SINHCAF: variants seen among roughly 807,000 people sequenced by gnomAD.
SINHCAF encodes the protein SIN3-HDAC complex associated factor.
SINHCAF carries 3 observed loss-of-function variants against 25.8 expected under a neutral mutation model. That is an observed-to-expected ratio of 0.12 (90% CI 0.05 to 0.30). The LOEUF is 0.30. SINHCAF is among the 10% of genes least tolerant of loss of function. SINHCAF has a pLI of 1.00. For missense variants in SINHCAF, 121 were observed against 262.3 expected (o/e 0.46, Z 3.72); for synonymous variants, 70 against 85.5 (o/e 0.82, Z 1.00).
chr12:31,298,348 G>T, intron 1 of SINHCAF, 124 bp from the exon 2 acceptor site: 2 of 1,096,288 alleles, frequency 1.8e-6, no homozygotes, highest in African/African-American at 1.5e-5. Context: ...CAGGCAGGCA[G>T]CTCAAGGGAA....
rs554217422 is a variant in SINHCAF, at chr12:31,324,471, C to T, written c.-21+1553G>A. ...ACGCCCGGAGCGGGGAAGCACGCCGCCTCCCTACGCACCAGCATGGCACCT... is the reference window on the plus strand; with the variant it reads ...ACGCCCGGAGCGGGGAAGCACGCCGTCTCCCTACGCACCAGCATGGCACCT... On this transcript the variant is annotated intron_variant, in intron 1 of 5. Coordinates refer to ENST00000337682, the MANE Select transcript of SINHCAF (RefSeq NM_001135812.2). This position sits in a 1 kb window ranked among gnomAD's most constrained non-coding sequence, Gnocchi z 5.5. 521 of 160,662 alleles carry T rather than the reference C, an allele frequency of 3.2e-3. 7 individuals carry two copies. The highest frequency in any genetic ancestry group is 2.7e-3 in the Admixed American group (42 of 15,442). 10.0% of individuals were successfully genotyped at this position (160,662 alleles called of 1,614,324 possible). A position where few individuals can be genotyped will look rare whatever the true frequency, so the allele number is the denominator to read the frequency against.
At chr12:31,303,272 A>T (rs1365774085) in intron 1 of SINHCAF, 5 of 941,994 alleles carry the variant, frequency 5.3e-6, no homozygotes, top group Non-Finnish European at 6.3e-6. Context: ...TTTAGAGAAC[A>T]CAAATGATCA....
At chr12:31,321,575 T>C (rs1187273451) in intron 1 of SINHCAF, among the ~76,000 whole-genome samples, 2 of 152,180 alleles carry the variant, frequency 1.3e-5, no homozygotes. Context: ...TTATTTAAAA[T>C]AGGTATTACT....
chr12:31,297,876 T>C (rs2137093002), intron 2 of SINHCAF, among the ~76,000 whole-genome samples: 1 of 152,186 alleles, frequency 6.6e-6, no homozygotes, highest in East Asian at 1.9e-4. Context: ...ACGATTAATG[T>C]GGTAGCTCCT....
intron 5 of SINHCAF, among the ~76,000 whole-genome samples, chr12:31,284,006 A>G (rs1937929148): frequency 6.6e-6 from 1 of 152,158 alleles, no homozygotes; most frequent in South Asian, 2.1e-4. Flanking sequence ...TATATAACAC[A>G]GTTTTATTTA....
chr12:31,289,098 GAAC>G (rs1433542075), intron 4 of SINHCAF, among the ~76,000 whole-genome samples: 2 of 152,126 alleles, frequency 1.3e-5, no homozygotes, highest in African/African-American at 4.8e-5. Flanking sequence ...CTGGAAGAAA[GAAC>G]AACAGAAATT....
At chr12:31,286,547 C>G (rs1340617858) in intron 5 of SINHCAF, among the ~76,000 whole-genome samples, 1 of 151,830 alleles carries the variant, frequency 6.6e-6, no homozygotes, top group South Asian at 2.1e-4. Flanking sequence ...ACCTGTAATC[C>G]CAGCTACTCG....
intron 2 of SINHCAF, among the ~76,000 whole-genome samples, chr12:31,296,690 C>CA (rs1938563228): frequency 2.0e-5 from 3 of 151,720 alleles, no homozygotes; most frequent in Non-Finnish European, 4.4e-5. Context: ...CCTGTATCTA[C>CA]AAAAAAATAG....
chr12:31,303,198 G>A, intron 1 of SINHCAF: 1 of 985,420 alleles, frequency 1.0e-6, no homozygotes, highest in Non-Finnish European at 1.2e-6. Flanking sequence ...ATATTTAGAA[G>A]AGGCTGTGTC....
At chr12:31,300,384 C>T (rs1458855243) in intron 1 of SINHCAF, among the ~76,000 whole-genome samples, 1 of 152,050 alleles carries the variant, frequency 6.6e-6, no homozygotes, top group Admixed American at 6.6e-5. Flanking sequence ...AGGCAGAAGG[C>T]CTTCATGCAT....
At position 31,298,835 on chromosome 12, in the gene SINHCAF, A is replaced by C. The variant is rs185754664; in HGVS notation, c.-20-611T>G. Among the ~76,000 whole-genome samples, 32 of 152,352 alleles carry C rather than the reference A, an allele frequency of 2.1e-4. 1 individual carries two copies. The highest frequency in any genetic ancestry group is 1.8e-3 in the Admixed American group (28 of 15,302). ...AAGGGAAGATGTAAAATTCACAAAA[A>C]TCCAAGGTTAGAATTTAATAATAAT... On this transcript the variant is annotated intron_variant, in intron 1 of 5. Transcript: ENST00000337682.
Position 31,281,064 on chromosome 12 carries a change from T to G in SINHCAF, c.*1648A>C, listed in dbSNP as rs546778554. 6.6e-6 allele frequency: 1 copy of G among 152,314 alleles called. No individual in the cohort carries two copies. The highest frequency in any genetic ancestry group is 2.1e-4 in the South Asian group (1 of 4,832). The allele number at this position is 152,314 out of a possible 1,614,324, so 9.4% of individuals were successfully genotyped here. On this transcript the variant is annotated 3_prime_UTR_variant, in exon 6 of 6. Transcript: ENST00000337682. Reference sequence around the variant, plus strand: ...TACAGGGTGCCTATAAAAGGTGGCTTACTCCTTATTGTTATTATACTATCC... The same window carrying G: ...TACAGGGTGCCTATAAAAGGTGGCTGACTCCTTATTGTTATTATACTATCC...
In SINHCAF at chr12:31,304,800, T is replaced by C. The variant is rs1042620932; in HGVS notation, c.-20-6576A>G. 4 of 152,316 alleles carry C rather than the reference T, an allele frequency of 2.6e-5. No homozygotes were observed. The East Asian group carries it at 7.7e-4, about 29-fold the overall frequency. 9.4% of individuals were successfully genotyped at this position (152,316 alleles called of 1,614,324 possible). On this transcript the variant is annotated intron_variant, in intron 1 of 5. Transcript: ENST00000337682. ...CCACACTTTAGGAGAGTTTGGCTAATGAACTATTTTTCCATCCCCAGCAGA... is the reference window on the plus strand; with the variant it reads ...CCACACTTTAGGAGAGTTTGGCTAACGAACTATTTTTCCATCCCCAGCAGA...
intron 1 of SINHCAF, among the ~76,000 whole-genome samples, chr12:31,315,838 C>T (rs1304644156): frequency 6.6e-6 from 1 of 152,098 alleles, no homozygotes; most frequent in East Asian, 1.9e-4. Context: ...TAGCCAAAAA[C>T]CCAAAAATTG....
At chr12:31,302,624 G>A (rs928948418) in intron 1 of SINHCAF, among the ~76,000 whole-genome samples, 7 of 150,936 alleles carry the variant, frequency 4.6e-5, no homozygotes, top group Middle Eastern at 3.4e-3. Flanking sequence ...CACGAGGCAC[G>A]GTATTCATAC....
At chr12:31,317,023 C>G (rs1223751491) in intron 1 of SINHCAF, among the ~76,000 whole-genome samples, 1 of 152,134 alleles carries the variant, frequency 6.6e-6, no homozygotes, top group Non-Finnish European at 1.5e-5. Context: ...TCCCCAATTC[C>G]ACTTTCTAGA....
rs1414337215 is a variant in SINHCAF at position 31,325,316 on chromosome 12, G to C, written c.-21+708C>G. ...AGGGCAGGCGAGTGGAAGACGGGCT[G>C]TTTTTAAGCGACCGCGTGTTGCTCT... On this transcript the variant is annotated intron_variant, in intron 1 of 5. Transcript: ENST00000337682. This position sits in a 1 kb window ranked among gnomAD's most constrained non-coding sequence, Gnocchi z 5.9. 1 of 441,118 alleles carries C rather than the reference G, an allele frequency of 2.3e-6. No homozygotes were observed. Among genetic ancestry groups the C allele is most frequent in the Non-Finnish European group, 4.6e-6 (1 of 219,566 alleles). The allele number at this position is 441,118 out of a possible 1,614,324, so 27.3% of individuals were successfully genotyped here.
intron 1 of SINHCAF, among the ~76,000 whole-genome samples, chr12:31,313,286 C>T (rs140232861): frequency 0.018 from 2,679 of 152,300 alleles, 39 homozygotes; most frequent in South Asian, 0.036. Context: ...CTCGGCCTCC[C>T]GAAGTGCTGG....
chr12:31,283,108 T>G (rs908269136), intron 5 of SINHCAF, among the ~76,000 whole-genome samples: 3 of 152,278 alleles, frequency 2.0e-5, no homozygotes, highest in Middle Eastern at 3.4e-3. Context: ...AGACGGCATT[T>G]TGAAAGACAG....
Sources: gnomAD v4.1 joint callset for allele counts (sites outside exome capture counted in the v4.1 genomes callset) on GRCh38, gnomAD v4.1.1 for gene constraint, Gnocchi (gnomAD v3.1) non-coding constraint, MANE v1.5 for transcripts, NCBI Gene and HGNC (gene_info 2026-07-23, HGNC 2026-07-21) for gene names.